Variants in NUGGC observed in about 807,000 individuals in gnomAD.
The protein encoded by NUGGC is nuclear GTPase SLIP-GC.
NUGGC carries 58 observed loss-of-function variants against 92.6 expected under a neutral mutation model. The observed-to-expected ratio is 0.63, with a 90% confidence interval of 0.51 to 0.78. The LOEUF is 0.78. NUGGC is among the 30% of genes least tolerant of loss of function. The pLI is 0.00. For synonymous variants in NUGGC, 376 were observed against 366.4 expected (o/e 1.03, Z -0.30); for missense variants, 925 against 964.6 (o/e 0.96, Z 0.54).
chr8:28,064,538 TC>T lies in NUGGC; in HGVS notation c.904del (p.Asp302ThrfsTer13). ...GACAGTCACCTTTTTCCACATCTCG[TC>T]CCTCTTGCTGTTGAAGTCGCCTGTG... is the stretch of plus-strand genomic sequence containing the variant. ...PGTGDFNSKR[D>X]EMWKKTIDKC... On this transcript the variant is annotated frameshift_variant, in exon 7 of 19. Transcript: ENST00000413272. LOFTEE classifies it high-confidence loss of function. 1 of 1,614,022 alleles carries T rather than the reference TC, an allele frequency of 6.2e-7. No homozygotes were observed. Among genetic ancestry groups the T allele is most frequent in the Non-Finnish European group, 8.5e-7 (1 of 1,179,868 alleles).
At chr8:28,064,489 G>A in intron 7 of NUGGC, 33 bp downstream of exon 7, 1 of 1,570,414 alleles carries the variant, frequency 6.4e-7, no homozygotes, top group Non-Finnish European at 8.8e-7. Flanking sequence ...GGAGTTTAGG[G>A]AAGAGAGAAC....
In NUGGC at chr8:28,074,566, G is replaced by A. The variant is rs9987284; in HGVS notation, c.-46-110C>T. On this transcript the variant is annotated intron_variant, in intron 1 of 18. Transcript: ENST00000413272. ...GTGCGGTATTTCTGCCCATTCCAAC[G>A]TATCTCTGAATCCCTCACAACACCT... The A allele has an allele frequency of 2.7e-3, 1,889 of 694,496 alleles. 20 individuals are homozygous for A. Among genetic ancestry groups the A allele is most frequent in the African/African-American group, 0.023 (1,321 of 56,992 alleles). The allele number at this position is 694,496 out of a possible 1,614,324, so 43.0% of individuals were successfully genotyped here.
chr8:28,040,594 A>G (rs1585564325), intron 13 of NUGGC, among the ~76,000 whole-genome samples: 1 of 149,662 alleles, frequency 6.7e-6, no homozygotes, highest in East Asian at 2.0e-4. Context: ...GTTATGTGCA[A>G]TTTTCACTCT....
chr8:28,070,216 C>A (rs550950657), intron 3 of NUGGC, 36 bp downstream of exon 3: 3 of 1,520,238 alleles, frequency 2.0e-6, no homozygotes, highest in Non-Finnish European at 2.7e-6. Context: ...GGAACAGAAC[C>A]GAACCATGTT....
rs150401394 is a variant in NUGGC, at chr8:28,038,756, G to A, written c.1611+2295C>T. Among the ~76,000 whole-genome samples, 199 of 152,314 alleles carry A rather than the reference G, an allele frequency of 1.3e-3. 2 individuals are homozygous for A. Among genetic ancestry groups the A allele is most frequent in the Admixed American group, 1.6e-3 (24 of 15,304 alleles). ...TGCAATCGTTTGCTGAGTAGTTTAG[G>A]AGACGCAACAGGTGAGTGCAGCAGG... On this transcript the variant is annotated intron_variant, in intron 13 of 18. Transcript: ENST00000413272.
Position 28,068,217 on chromosome 8 carries a change from T to G in NUGGC, c.479A>C (p.Gln160Pro), listed in dbSNP as rs746606951. The change falls in exon 5 of 19, where the codon CAG becomes CCG. Residue 160 changes from glutamine (Q) to proline (P), a missense_variant and splice_region_variant. Coordinates refer to ENST00000413272, the MANE Select transcript of NUGGC (RefSeq NM_001010906.2). ...AGGAGGGAGGAAGGGAACACTTACC[T>G]GGTCAGACAGAAGGTGGATTTTGGC... ...YEAKIHLLSD[Q>P]EWREELKNLT... 10 of 1,540,890 alleles carry G rather than the reference T, an allele frequency of 6.5e-6. No homozygotes were observed. Among genetic ancestry groups the G allele is most frequent in the Non-Finnish European group, 7.9e-6 (9 of 1,138,828 alleles).
At position 28,041,207 on chromosome 8, in the gene NUGGC, G is replaced by C. The variant is rs1436424342; in HGVS notation, c.1455C>G (p.His485Gln). The change falls in exon 13 of 19, where the codon CAC becomes CAG. Residue 485 changes from histidine to glutamine, a missense_variant. Transcript: ENST00000413272. ...FNSTQNLPNE[H>Q]LHMSVLRRFA... is the part of the protein sequence containing the mutation. ...ATCTCCGCAGGACACTCATGTGCAAGTGTTCATTCTAGGGACAAGGACCAT... is the reference window on the plus strand; with the variant it reads ...ATCTCCGCAGGACACTCATGTGCAACTGTTCATTCTAGGGACAAGGACCAT... 1 of 1,610,112 alleles carries C rather than the reference G, an allele frequency of 6.2e-7. No individual in the cohort carries two copies. The highest frequency in any genetic ancestry group is 1.3e-5 in the African/African-American group (1 of 74,880).
intron 6 of NUGGC, among the ~76,000 whole-genome samples, chr8:28,065,150 ATC>A (rs1810406650): frequency 2.3e-5 from 3 of 132,214 alleles, no homozygotes; most frequent in African/African-American, 5.7e-5. Flanking sequence ...CTGAAATTGG[ATC>A]TTTTTTTTTT....
At position 28,033,665 on chromosome 8, in the gene NUGGC, G is replaced by T. The variant is rs1325505551; in HGVS notation, c.1644C>A (p.Thr548=). The change falls in exon 14 of 19, where the codon ACC becomes ACA. Residue 548 remains threonine, a synonymous_variant. Transcript: ENST00000413272. ...CATTTTTCAGGCAAACAGCTTTCAGGGTCTGATGAAAACCTTGGTTTCCTT... is the reference window on the plus strand; with the variant it reads ...CATTTTTCAGGCAAACAGCTTTCAGTGTCTGATGAAAACCTTGGTTTCCTT... ...RSKGNQGFHQ[T]LKAVCLKNGI... The T allele has an allele frequency of 6.2e-7, 1 of 1,613,876 alleles. No individual in the cohort carries two copies. The highest frequency in any genetic ancestry group is 1.7e-5 in the Admixed American group (1 of 60,024).
chr8:28,031,404 AG>A (rs779403391), intron 14 of NUGGC, 23 bp from the exon 15 acceptor site: 3 of 1,610,488 alleles, frequency 1.9e-6, no homozygotes, highest in Non-Finnish European at 2.5e-6. Context: ...GTGACAAAAA[AG>A]TTTAAGAGAA....
At chr8:28,062,452 CAAA>C (rs34648549) in intron 7 of NUGGC, among the ~76,000 whole-genome samples, 1 of 132,174 alleles carries the variant, frequency 7.6e-6, no homozygotes, top group African/African-American at 2.8e-5. Flanking sequence ...CTCATCTCTA[CAAA>C]AAAAAAAAAA....
rs763760352 is a variant in NUGGC, at chr8:28,069,550, T to C, written c.251A>G (p.Tyr84Cys). The C allele has an allele frequency of 1.2e-5, 19 of 1,545,090 alleles. No homozygotes were observed. The highest frequency in any genetic ancestry group is 1.5e-5 in the Non-Finnish European group (17 of 1,118,320). ...LDDSIPNGVK[Y>C]LINRLLALIE... ...TTGCAGATTTCAGACTCACATGAGA[T>C]ACTTGACTCCATTAGGGATGCTGTC... The change falls in exon 4 of 19, where the codon TAT (tyrosine) becomes TGT (cysteine). Residue 84 changes from tyrosine to cysteine, a missense_variant. Transcript: ENST00000413272.
At chr8:28,081,802 C>T (rs1056831670) in intron 1 of NUGGC, among the ~76,000 whole-genome samples, 22 of 151,366 alleles carry the variant, frequency 1.5e-4, no homozygotes, top group African/African-American at 5.1e-4. Flanking sequence ...CGCTTGAACC[C>T]GGGAGGCGGA....
chr8:28,047,560 G>A lies in NUGGC; in HGVS notation c.1259C>T (p.Thr420Ile), dbSNP rs1162726347. 4 of 1,570,998 alleles carry A rather than the reference G, an allele frequency of 2.5e-6. No individual in the cohort carries two copies. The highest frequency in any genetic ancestry group is 1.3e-5 in the African/African-American group (1 of 74,114). ...CTGCCAGTACTCCTGGGCGCTGACTGTATACACCAGATCTGAGGCTTCCAG... is the reference window on the plus strand; with the variant it reads ...CTGCCAGTACTCCTGGGCGCTGACTATATACACCAGATCTGAGGCTTCCAG... ...KVLEASDLVY[T>I]VSAQEYWQQA... The change falls in exon 11 of 19, where the codon ACA becomes ATA. Residue 420 changes from threonine to isoleucine, a missense_variant. Transcript: ENST00000413272.
intron 1 of NUGGC, among the ~76,000 whole-genome samples, chr8:28,077,314 T>G (rs1810746437): frequency 6.6e-6 from 1 of 151,416 alleles, no homozygotes; most frequent in Non-Finnish European, 1.5e-5. Context: ...CCCAGCACTT[T>G]GGGAGGCTGA....
chr8:28,050,107 C>T (rs183428164), intron 10 of NUGGC, among the ~76,000 whole-genome samples: 356 of 151,278 alleles, frequency 2.4e-3, no homozygotes, highest in African/African-American at 7.9e-3. Context: ...AATAAAAGGC[C>T]GGGCACGGTG....
chr8:28,074,402 T>C lies in NUGGC; in HGVS notation c.9A>G (p.Glu3=), dbSNP rs754093127. The C allele has an allele frequency of 1.2e-6, 2 of 1,613,708 alleles. No individual in the cohort carries two copies. The highest frequency in any genetic ancestry group is 2.7e-5 in the African/African-American group (2 of 74,936). The change falls in exon 2 of 19, where the codon GAA becomes GAG. Residue 3 remains glutamate (E), a synonymous_variant. Coordinates refer to ENST00000413272, the MANE Select transcript of NUGGC (RefSeq NM_001010906.2). MA[E]TKDVFGQEPH... is the part of the protein sequence containing the mutation. ...GTTCCTGGCCAAAAACATCCTTCGT[T>C]TCTGCCATTCCTTGTTACGTGAACT...
Position 28,045,539 on chromosome 8 carries a change from C to A in NUGGC, c.1434G>T (p.Thr478=), listed in dbSNP as rs569552583. ...GTGTCTTCCATACCGGCAGGTTTTG[C>A]GTGGAGTTGAAACTATCTGTGAGGA... ...LLLLTDSFNS[T]QNLPNEHLHM... The change falls in exon 12 of 19, where the codon ACG becomes ACT. Residue 478 remains threonine (T), a synonymous_variant. Coordinates refer to ENST00000413272, the MANE Select transcript of NUGGC (RefSeq NM_001010906.2). 1.1e-5 allele frequency: 17 copies of A among 1,611,902 alleles called. No individual in the cohort carries two copies. The Middle Eastern group carries it at 8.1e-4, about 77-fold the overall frequency.
At chr8:28,069,090 G>A (rs1487273979) in intron 4 of NUGGC, among the ~76,000 whole-genome samples, 1 of 152,110 alleles carries the variant, frequency 6.6e-6, no homozygotes, top group Non-Finnish European at 1.5e-5. Context: ...ATAGTGTTAG[G>A]AGCAACACAG....
Sources: gnomAD v4.1 joint callset for allele counts (sites outside exome capture counted in the v4.1 genomes callset) on GRCh38, gnomAD v4.1.1 for gene constraint, MANE v1.5 for transcripts, NCBI Gene and HGNC (gene_info 2026-07-23, HGNC 2026-07-21) for gene names.